Variants in ARHGAP28 observed in about 807,000 individuals in gnomAD.
ARHGAP28 encodes rho GTPase-activating protein 28.
Under a neutral mutation model 90.7 loss-of-function variants are expected in ARHGAP28, and 56 were observed. The observed-to-expected ratio is 0.62, with a 90% CI of 0.50 to 0.77. The LOEUF is 0.77. Among genes scored for constraint, ARHGAP28 ranks in the 30% least tolerant of loss-of-function variants. The probability of loss-of-function intolerance (pLI) is 0.00; values close to 1 mark genes in which losing one functional copy is unlikely to be tolerated. For missense variants in ARHGAP28, 869 were observed against 900.9 expected, an observed-to-expected ratio of 0.96 and a Z score of 0.45; for synonymous variants, 308 against 323.3, an observed-to-expected ratio of 0.95 and a Z score of 0.51.
At position 6,912,231 on chromosome 18, in the gene ARHGAP28, G is replaced by A. The variant is rs1220545479; in HGVS notation, c.*77G>A. 3 of 783,008 alleles carry A rather than the reference G, an allele frequency of 3.8e-6. No individual in the cohort carries two copies. Among genetic ancestry groups the A allele is most frequent in the African/African-American group, 3.5e-5 (2 of 57,498 alleles). 48.5% of individuals were successfully genotyped at this position (783,008 alleles called of 1,614,324 possible). On this transcript the variant is annotated 3_prime_UTR_variant, in exon 18 of 18. Transcript: ENST00000383472. ...ATTTTGGTAGGGAAAAAACAACACT[G>A]TGTTTGACGTATTTGTTCCTACAGC...
intron 1 of ARHGAP28, among the ~76,000 whole-genome samples, chr18:6,786,277 CTTTAGTT>C (rs2056364007): frequency 6.6e-6 from 1 of 151,740 alleles, no homozygotes; most frequent in African/African-American, 2.4e-5. Context: ...TTTTCCTTTT[CTTTAGTT>C]TTTAGTAAAG....
intron 3 of ARHGAP28, among the ~76,000 whole-genome samples, chr18:6,845,556 C>CA (rs2056859786): frequency 6.6e-6 from 1 of 152,172 alleles, no homozygotes; most frequent in Non-Finnish European, 1.5e-5. Context: ...ATTAGCTGTT[C>CA]TTACTGATGC....
intron 16 of ARHGAP28, chr18:6,897,540 C>A (rs1477568580): frequency 6.6e-6 from 1 of 152,154 alleles, no homozygotes; most frequent in Non-Finnish European, 1.5e-5. Flanking sequence ...GGATGAGAAG[C>A]ACTCATTTAT....
intron 2 of ARHGAP28, among the ~76,000 whole-genome samples, chr18:6,827,229 G>A (rs1464117397): frequency 6.6e-6 from 1 of 152,164 alleles, no homozygotes; most frequent in Non-Finnish European, 1.5e-5. Flanking sequence ...GGTGGTGGCC[G>A]GGCAGAGGGG....
chr18:6,819,750 T>C (rs1326809331), intron 1 of ARHGAP28, among the ~76,000 whole-genome samples: 1 of 152,206 alleles, frequency 6.6e-6, no homozygotes, highest in Non-Finnish European at 1.5e-5. Flanking sequence ...CCATGGTGTT[T>C]ATCTCAAAAC....
intron 11 of ARHGAP28, among the ~76,000 whole-genome samples, chr18:6,883,010 T>C (rs773624100): frequency 2.0e-5 from 3 of 152,116 alleles, no homozygotes; most frequent in Non-Finnish European, 4.4e-5. Context: ...GTGGGGGCTT[T>C]AACTGTTAAC....
At chr18:6,805,358 C>T (rs543255680) in intron 1 of ARHGAP28, among the ~76,000 whole-genome samples, 2 of 152,130 alleles carry the variant, frequency 1.3e-5, no homozygotes, top group Non-Finnish European at 2.9e-5. Flanking sequence ...TTAATATAGC[C>T]ACTACAACTT....
intron 2 of ARHGAP28, among the ~76,000 whole-genome samples, chr18:6,830,744 A>G (rs1302712416): frequency 6.6e-6 from 1 of 152,204 alleles, no homozygotes; most frequent in Non-Finnish European, 1.5e-5. Context: ...GGTTATATTC[A>G]TAGATACCAG....
chr18:6,870,396 C>A (rs1157696081), intron 6 of ARHGAP28, among the ~76,000 whole-genome samples, 194 bp from the exon 7 acceptor site: 2 of 152,074 alleles, frequency 1.3e-5, no homozygotes, highest in East Asian at 3.9e-4. Context: ...AAAATGTGTC[C>A]ATATGGAGGT....
chr18:6,776,888 A>G (rs1202845563), intron 1 of ARHGAP28, among the ~76,000 whole-genome samples: 2 of 152,176 alleles, frequency 1.3e-5, no homozygotes, highest in Admixed American at 6.5e-5. Context: ...TTAGATCATT[A>G]TGGATGAATG....
At chr18:6,808,544 C>T (rs1471226387) in intron 1 of ARHGAP28, among the ~76,000 whole-genome samples, 3 of 152,110 alleles carry the variant, frequency 2.0e-5, no homozygotes, top group Non-Finnish European at 4.4e-5. Flanking sequence ...AAAGAGTGTA[C>T]AGCTGTATTT....
At chr18:6,900,990 T>G (rs2057335378) in intron 16 of ARHGAP28, among the ~76,000 whole-genome samples, 1 of 152,170 alleles carries the variant, frequency 6.6e-6, no homozygotes, top group African/African-American at 2.4e-5. Context: ...GGCATAACAT[T>G]TGTCAAGTAC....
At chr18:6,854,273 T>A (rs2056934810) in intron 4 of ARHGAP28, among the ~76,000 whole-genome samples, 1 of 152,174 alleles carries the variant, frequency 6.6e-6, no homozygotes, top group Admixed American at 6.5e-5. Flanking sequence ...TGCCTGGACC[T>A]CATTCCTTTA....
intron 1 of ARHGAP28, chr18:6,730,236 T>TATATATATATATATATATATATATATAA (rs767639864): frequency 5.0e-6 from 1 of 198,688 alleles, no homozygotes; most frequent in African/African-American, 2.4e-5. Flanking sequence ...TATATATATA[T>TATATATATATATATATATATATATATAA]ACCTCATTTC....
At chr18:6,812,842 C>G (rs1052194880) in intron 1 of ARHGAP28, among the ~76,000 whole-genome samples, 1 of 152,150 alleles carries the variant, frequency 6.6e-6, no homozygotes, top group African/African-American at 2.4e-5. Flanking sequence ...CTGATCTGTG[C>G]CTTTCTTTGT....
chr18:6,742,575 A>G (rs71360047), intron 1 of ARHGAP28, among the ~76,000 whole-genome samples: 5,698 of 152,170 alleles, frequency 0.037, 155 homozygotes, highest in Non-Finnish European at 0.063. Context: ...TGAAATTTCA[A>G]CCTTTAGGTT....
At chr18:6,905,379 C>G (rs1366618559) in intron 16 of ARHGAP28, among the ~76,000 whole-genome samples, 6 of 152,028 alleles carry the variant, frequency 3.9e-5, no homozygotes, top group Admixed American at 3.9e-4. Flanking sequence ...GATAAAAACT[C>G]TCAGAAAACT....
In ARHGAP28 at chr18:6,913,771, G is replaced by A. The variant is rs1191487653; in HGVS notation, c.*1617G>A. The A allele has an allele frequency of 9.9e-5, 15 of 151,224 alleles. No individual in the cohort carries two copies. The highest frequency in any genetic ancestry group is 9.2e-4 in the Admixed American group (14 of 15,170). The allele number at this position is 151,224 out of a possible 1,614,324, so 9.4% of individuals were successfully genotyped here. On this transcript the variant is annotated 3_prime_UTR_variant, in exon 18 of 18. Transcript: ENST00000383472. ...GCCTGAAAACCCATTAAAAGAAAAC[G>A]TGCCTTCTGTATAAGTTTATGTTTA...
At chr18:6,853,911 C>G (rs1211658887) in intron 4 of ARHGAP28, among the ~76,000 whole-genome samples, 1 of 152,114 alleles carries the variant, frequency 6.6e-6, no homozygotes, top group Non-Finnish European at 1.5e-5. Flanking sequence ...TAAAAGTAGG[C>G]TGTACTCTGA....
Sources: allele counts gnomAD v4.1 joint callset (sites outside exome capture counted in the v4.1 genomes callset), GRCh38; gene constraint gnomAD v4.1.1; transcripts MANE v1.5; gene names NCBI Gene and HGNC (gene_info 2026-07-23, HGNC 2026-07-21).